The following DGKA variants were observed in gnomAD, a reference collection of about 807,000 sequenced individuals.
DGKA encodes 80 kDa diacylglycerol kinase.
In DGKA, 35 loss-of-function variants were observed where a neutral mutation model predicts 105.0. The ratio of observed to expected loss-of-function variants is 0.33; its 90% CI spans 0.25 to 0.44. DGKA has a LOEUF of 0.44. Among genes scored for constraint, DGKA ranks in the 20% least tolerant of loss-of-function variants. DGKA has a pLI of 1.00. For synonymous variants in DGKA, 296 were observed against 332.0 expected, an observed-to-expected ratio of 0.89 and a Z score of 1.18; for missense variants, 665 against 915.0, an observed-to-expected ratio of 0.73 and a Z score of 3.53.
upstream of DGKA, among the ~76,000 whole-genome samples, chr12:55,930,201 T>C (rs1444736783): frequency 6.6e-6 from 1 of 152,180 alleles, no homozygotes; most frequent in Non-Finnish European, 1.5e-5. Context: ...ATGTTTTTGC[T>C]TGTATTGCAG....
Position 55,937,259 on chromosome 12 carries a change from T to A in DGKA, c.139-149T>A, listed in dbSNP as rs529323254. ...CTTTAGGATAAAACAAGGGATTCTA[T>A]TAACTCAGGACTTAATCAAAGAAAC... On this transcript the variant is annotated intron_variant, in intron 3 of 23. Transcript: ENST00000331886. 1,520 of 1,209,124 alleles carry A rather than the reference T, an allele frequency of 1.3e-3. 20 individuals carry two copies. The African/African-American group carries it at 0.017, about 13-fold the overall frequency. The allele number at this position is 1,209,124 out of a possible 1,614,324, so 74.9% of individuals were successfully genotyped here.
chr12:55,951,632 G>C lies in DGKA; in HGVS notation c.1436G>C (p.Gly479Ala). The change falls in exon 18 of 24, where the codon GGA (glycine) becomes GCA (alanine). Residue 479 changes from glycine to alanine, a missense_variant. Gly to Ala is a moderately conservative substitution (Grantham distance 60). Transcript: ENST00000331886. ...RCLRWGGGYE[G>A]QNLAKILKDL... ...TCTTCTCCACTCCTAGGTTATGAAG[G>C]ACAGAATCTGGCAAAGATCCTCAAG... is the stretch of plus-strand genomic sequence containing the variant. 1.2e-6 allele frequency: 2 copies of C among 1,613,996 alleles called. No individual in the cohort carries two copies. The highest frequency in any genetic ancestry group is 1.7e-6 in the Non-Finnish European group (2 of 1,179,966).
chr12:55,940,384 G>C lies in DGKA; in HGVS notation c.869G>C (p.Arg290Pro). 6.2e-7 allele frequency: 1 copy of C among 1,614,244 alleles called. No individual in the cohort carries two copies. Among genetic ancestry groups the C allele is most frequent in the Non-Finnish European group, 8.5e-7 (1 of 1,180,036 alleles). ...GRCDRCQKKI[R>P]IYHSLTGLHC... ...TGCGACCGCTGTCAGAAAAAGATCC[G>C]GATCTACCACAGTCTGACCGGGCTG... The change falls in exon 11 of 24, where the codon CGG (arginine) becomes CCG (proline). Residue 290 changes from arginine to proline, a missense_variant. Transcript: ENST00000331886. The surrounding 1 kb of genome is among the most constrained non-coding windows in gnomAD (Gnocchi z 4.3).
At chr12:55,936,750 C>G in intron 2 of DGKA, 183 bp downstream of exon 2, 1 of 954,126 alleles carries the variant, frequency 1.0e-6, no homozygotes, top group East Asian at 2.4e-5. Context: ...AGATCCGGAT[C>G]TACCACAGTC....
chr12:55,937,556 A>T lies in DGKA; in HGVS notation c.274+13A>T. On this transcript the variant is annotated intron_variant, in intron 4 of 23. Transcript: ENST00000331886. Reference sequence around the variant, plus strand: ...AATGTGACAAAAGGTATGGTCAAGCAGGTAGGACTGGGCTAAGCCTCTGGC... The same window carrying T: ...AATGTGACAAAAGGTATGGTCAAGCTGGTAGGACTGGGCTAAGCCTCTGGC... 1 of 1,613,568 alleles carries T rather than the reference A, an allele frequency of 6.2e-7. No homozygotes were observed. The highest frequency in any genetic ancestry group is 8.5e-7 in the Non-Finnish European group (1 of 1,179,634).
At position 55,936,419 on chromosome 12, in the gene DGKA, C is replaced by G. The variant is rs1277300061; in HGVS notation, c.-81-4C>G. ...CCACTGTACGCTCTGTCACCTTTCC[C>G]CAGGCCTACCCTCTGAAGAGGTCCA... On this transcript the variant is annotated splice_region_variant and splice_polypyrimidine_tract_variant and intron_variant, in intron 1 of 23. Transcript: ENST00000331886. 21 of 1,547,406 alleles carry G rather than the reference C, an allele frequency of 1.4e-5. No individual in the cohort carries two copies. The highest frequency in any genetic ancestry group is 1.8e-5 in the Non-Finnish European group (21 of 1,146,552).
At chr12:55,937,665 T>C in intron 4 of DGKA, 122 bp downstream of exon 4, 1 of 1,333,298 alleles carries the variant, frequency 7.5e-7, no homozygotes, top group African/African-American at 1.5e-5. Flanking sequence ...TGGTGGAGAA[T>C]AGTCAGGCTG....
chr12:55,948,318 T>C (rs191515099), intron 17 of DGKA, among the ~76,000 whole-genome samples: 92 of 151,864 alleles, frequency 6.1e-4, no homozygotes, highest in African/African-American at 1.7e-3. Context: ...GAGTAATCGC[T>C]TGAACCCAGG....
chr12:55,947,840 G>C (rs951815410), intron 17 of DGKA, among the ~76,000 whole-genome samples: 31 of 152,032 alleles, frequency 2.0e-4, no homozygotes, highest in African/African-American at 7.5e-4. Flanking sequence ...ACCCAGGCTG[G>C]AGTGCTATAG....
At chr12:55,953,491 C>T in intron 23 of DGKA, 81 bp downstream of exon 23, 1 of 1,458,930 alleles carries the variant, frequency 6.9e-7, no homozygotes, top group Non-Finnish European at 9.6e-7. Flanking sequence ...CTTCTTTACA[C>T]CCTTCTGATG....
upstream of DGKA, chr12:55,929,706 G>A (rs1186463671): frequency 6.6e-6 from 1 of 152,214 alleles, no homozygotes; most frequent in Non-Finnish European, 1.5e-5. Flanking sequence ...TGGAACCGTA[G>A]GCATTAAACG....
chr12:55,948,850 T>C (rs1364867442), intron 17 of DGKA, among the ~76,000 whole-genome samples: 3 of 151,932 alleles, frequency 2.0e-5, no homozygotes, highest in African/African-American at 7.3e-5. Flanking sequence ...GGTGAAACCC[T>C]GTCTCTACTA....
chr12:55,951,819 G>T (rs373352734), intron 18 of DGKA, 36 bp downstream of exon 18: 45 of 1,605,288 alleles, frequency 2.8e-5, no homozygotes, highest in South Asian at 2.2e-4. Context: ...AGGGAGAAAG[G>T]GGGGGCCAAG....
Position 55,952,724 on chromosome 12 carries a change from C to T in DGKA, c.1744-10C>T, listed in dbSNP as rs750740531. On this transcript the variant is annotated splice_polypyrimidine_tract_variant and intron_variant, in intron 20 of 23. Transcript: ENST00000331886. The surrounding 1 kb of genome is among the most constrained non-coding windows in gnomAD (Gnocchi z 5.1). ...CCCTCCCTAACTGGGACTGTGCCCC[C>T]TCCTCTCAGATCTGTGGGAAACCGC... is the stretch of plus-strand genomic sequence containing the variant. 7 of 1,613,826 alleles carry T rather than the reference C, an allele frequency of 4.3e-6. No individual in the cohort carries two copies. Among genetic ancestry groups the T allele is most frequent in the African/African-American group, 1.3e-5 (1 of 74,904 alleles).
intron 1 of DGKA, chr12:55,936,006 G>A (rs968047967): frequency 1.4e-5 from 14 of 989,686 alleles, no homozygotes; most frequent in Non-Finnish European, 1.7e-5. Context: ...CCGAAGACCC[G>A]AGATGGGAGA....
At position 55,937,092 on chromosome 12, in the gene DGKA, T is replaced by G; in HGVS notation, c.138+2T>G. 2.5e-6 allele frequency: 4 copies of G among 1,614,122 alleles called. No individual in the cohort carries two copies. The highest frequency in any genetic ancestry group is 3.4e-6 in the Non-Finnish European group (4 of 1,179,986). ...ATGGCTAAATATGTCCAAGGAGATG[T>G]GAGTGGCAGCTGGGAAATCTTCTTC... On this transcript the variant is annotated splice_donor_variant, in intron 3 of 23. Transcript: ENST00000331886. LOFTEE classifies it high-confidence loss of function.
chr12:55,947,878 C>T (rs990156310), intron 17 of DGKA, among the ~76,000 whole-genome samples: 1 of 152,120 alleles, frequency 6.6e-6, no homozygotes, highest in African/African-American at 2.4e-5. Flanking sequence ...GCAACCTCCA[C>T]CTCCGGGTTC....
chr12:55,936,791 T>TTGCAC, intron 2 of DGKA: 1 of 819,124 alleles, frequency 1.2e-6, no homozygotes, highest in African/African-American at 1.7e-5. Context: ...AGGTCTCGGC[T>TTGCAC]CTCTACCCAC....
At chr12:55,936,991 G>C in intron 2 of DGKA, 26 bp from the exon 3 acceptor site, 1 of 1,604,530 alleles carries the variant, frequency 6.2e-7, no homozygotes, top group Non-Finnish European at 8.5e-7. Context: ...TAATAATGCT[G>C]TTCTCTTACT....
Sources: allele counts gnomAD v4.1 joint callset (sites outside exome capture counted in the v4.1 genomes callset), GRCh38; gene constraint gnomAD v4.1.1; non-coding constraint Gnocchi (gnomAD v3.1); transcripts MANE v1.5; gene names NCBI Gene and HGNC (gene_info 2026-07-23, HGNC 2026-07-21).